Variants in DPP10 observed in about 807,000 individuals in gnomAD.
DPP10 encodes inactive dipeptidyl peptidase 10.
A neutral mutation model predicts 120.9 loss-of-function variants in DPP10; 33 were observed. That is an observed-to-expected ratio of 0.27 (90% CI 0.21 to 0.37). The LOEUF (loss-of-function observed/expected upper bound fraction) is 0.37. DPP10 is among the 10% of genes least tolerant of loss of function. The pLI, the probability that DPP10 is intolerant of heterozygous loss-of-function variation, is 1.00. For missense variants in DPP10, 816 were observed against 942.8 expected, an observed-to-expected ratio of 0.87 and a Z score of 1.76; for synonymous variants, 337 against 326.1, an observed-to-expected ratio of 1.03 and a Z score of -0.36.
chr2:114,703,203 G>A (rs1466492446), intron 1 of DPP10, among the ~76,000 whole-genome samples: 7 of 152,000 alleles, frequency 4.6e-5, no homozygotes, highest in Non-Finnish European at 8.8e-5. Flanking sequence ...TTACATTAAC[G>A]AAGCATTCTT....
chr2:115,212,539 A>T (rs1434849120), intron 1 of DPP10, among the ~76,000 whole-genome samples: 2 of 152,184 alleles, frequency 1.3e-5, no homozygotes, highest in Non-Finnish European at 2.9e-5. Context: ...TATGAGACAG[A>T]GTGATATATG....
At chr2:114,810,731 A>T (rs1397035089) in intron 1 of DPP10, among the ~76,000 whole-genome samples, 3 of 152,024 alleles carry the variant, frequency 2.0e-5, no homozygotes, top group Non-Finnish European at 4.4e-5. Context: ...CCACTTTGGG[A>T]CTCTGCATGC....
intron 1 of DPP10, among the ~76,000 whole-genome samples, chr2:115,151,599 G>T (rs1471844637): frequency 1.3e-5 from 2 of 151,616 alleles, no homozygotes; most frequent in Admixed American, 6.6e-5. Flanking sequence ...AGTAGAGCTG[G>T]GGTTTCACTA....
intron 3 of DPP10, among the ~76,000 whole-genome samples, chr2:115,496,944 A>G (rs1251793660): frequency 6.6e-6 from 1 of 151,984 alleles, no homozygotes; most frequent in Non-Finnish European, 1.5e-5. Flanking sequence ...TGCAATTATA[A>G]AAGTGTGGAA....
chr2:115,713,871 T>C (rs1364218950), intron 7 of DPP10, among the ~76,000 whole-genome samples: 1 of 152,190 alleles, frequency 6.6e-6, no homozygotes, highest in African/African-American at 2.4e-5. Context: ...TAATCTCTTC[T>C]TATCCCATCA....
chr2:114,870,125 C>T (rs1032459280), intron 1 of DPP10, among the ~76,000 whole-genome samples: 2 of 152,180 alleles, frequency 1.3e-5, no homozygotes, highest in African/African-American at 4.8e-5. Context: ...AATACTGCCT[C>T]TCTGGGCACA....
At chr2:115,605,736 T>C (rs575783900) in intron 5 of DPP10, among the ~76,000 whole-genome samples, 1 of 152,158 alleles carries the variant, frequency 6.6e-6, no homozygotes, top group African/African-American at 2.4e-5. Flanking sequence ...CTTGTAAAAA[T>C]AGAAACTTCT....
intron 3 of DPP10, among the ~76,000 whole-genome samples, chr2:115,382,628 TC>T (rs1327555435): frequency 2.6e-5 from 4 of 152,086 alleles, no homozygotes; most frequent in Non-Finnish European, 5.9e-5. Context: ...ATAGGTCTCT[TC>T]CTAGAAAATT....
At chr2:115,408,470 A>G (rs1012918254) in intron 3 of DPP10, among the ~76,000 whole-genome samples, 1 of 151,486 alleles carries the variant, frequency 6.6e-6, no homozygotes, top group African/African-American at 2.4e-5. Flanking sequence ...CTATCAACCA[A>G]CTGGATCTAG....
chr2:115,088,750 CAAAAA>C (rs70941027), intron 1 of DPP10, among the ~76,000 whole-genome samples: 2 of 65,044 alleles, frequency 3.1e-5, no homozygotes, highest in South Asian at 1.5e-3. Context: ...CTGTGCCTGA[CAAAAA>C]AAAAAAAAAA....
intron 1 of DPP10, among the ~76,000 whole-genome samples, chr2:114,912,753 C>T (rs1055929442): frequency 6.6e-6 from 1 of 152,174 alleles, no homozygotes; most frequent in African/African-American, 2.4e-5. Flanking sequence ...CATAGAGTGG[C>T]CCCCTCTCAT....
chr2:115,178,940 A>G (rs538521851), intron 1 of DPP10, among the ~76,000 whole-genome samples: 15 of 152,192 alleles, frequency 9.9e-5, no homozygotes, highest in Non-Finnish European at 1.8e-4. Context: ...TATGGCTTTC[A>G]CACCATGGTG....
At chr2:115,024,994 A>G (rs1413303380) in intron 1 of DPP10, among the ~76,000 whole-genome samples, 1 of 151,772 alleles carries the variant, frequency 6.6e-6, no homozygotes, top group Non-Finnish European at 1.5e-5. Context: ...TTTAACATAT[A>G]CATATATTTT....
At chr2:114,672,396 A>T (rs1698404411) in intron 1 of DPP10, among the ~76,000 whole-genome samples, 1 of 152,126 alleles carries the variant, frequency 6.6e-6, no homozygotes, top group South Asian at 2.1e-4. Context: ...TCTCCTACAA[A>T]GAAGTGTTTG....
At chr2:114,924,279 A>T (rs1375107619) in intron 1 of DPP10, among the ~76,000 whole-genome samples, 2 of 152,120 alleles carry the variant, frequency 1.3e-5, no homozygotes, top group Non-Finnish European at 2.9e-5. Context: ...TAATCCTAGC[A>T]CTTTGGGAGG....
chr2:114,648,896 G>A (rs1696351797), intron 1 of DPP10, among the ~76,000 whole-genome samples: 1 of 152,182 alleles, frequency 6.6e-6, no homozygotes, highest in South Asian at 2.1e-4. Flanking sequence ...AGAGGAAAAT[G>A]TGGGAAAATA....
intron 5 of DPP10, among the ~76,000 whole-genome samples, chr2:115,596,074 G>A (rs2149195795): frequency 6.6e-6 from 1 of 152,246 alleles, no homozygotes; most frequent in Admixed American, 6.5e-5. Flanking sequence ...TGCATAGCCA[G>A]GAGGCATAGC....
intron 1 of DPP10, among the ~76,000 whole-genome samples, chr2:114,845,742 G>A (rs886755327): frequency 5.9e-5 from 9 of 152,180 alleles, no homozygotes; most frequent in Admixed American, 1.3e-4. Context: ...TAAAAATATC[G>A]CAATCGGAAT....
intron 1 of DPP10, among the ~76,000 whole-genome samples, chr2:114,641,900 G>C (rs1253509184): frequency 6.6e-6 from 1 of 151,820 alleles, no homozygotes; most frequent in Non-Finnish European, 1.5e-5. Flanking sequence ...AAATAATGTT[G>C]ATGTGTATGC....
Sources: allele counts gnomAD v4.1 joint callset (sites outside exome capture counted in the v4.1 genomes callset), GRCh38; gene constraint gnomAD v4.1.1; transcripts MANE v1.5; gene names NCBI Gene and HGNC (gene_info 2026-07-23, HGNC 2026-07-21).